The following B3GALT1 variants were observed in gnomAD, a reference collection of about 807,000 sequenced individuals.
B3GALT1 encodes the protein beta-1,3-galactosyltransferase 1, also known as UDP-Gal:betaGlcNAc beta 1,3-galactosyltransferase, polypeptide 1.
Under a neutral mutation model 23.2 loss-of-function variants are expected in B3GALT1, and 10 were observed. The ratio of observed to expected loss-of-function variants is 0.43; its 90% CI spans 0.27 to 0.73. The LOEUF is 0.73. Ranked by LOEUF, B3GALT1 falls within the 30% of genes least tolerant of loss-of-function variation. The pLI is 0.21. For missense variants in B3GALT1, 299 were observed against 405.4 expected (o/e 0.74, Z 2.25); for synonymous variants, 156 against 141.5 (o/e 1.10, Z -0.73).
chr2:167,338,226 G>A (rs1018117580), intron 1 of B3GALT1, among the ~76,000 whole-genome samples: 7 of 152,174 alleles, frequency 4.6e-5, no homozygotes, highest in African/African-American at 1.4e-4. Context: ...AAAGTGTTAA[G>A]CTGGAGTAAA....
chr2:167,523,896 T>C (rs1295926350), intron 2 of B3GALT1, among the ~76,000 whole-genome samples: 1 of 152,154 alleles, frequency 6.6e-6, no homozygotes, highest in Non-Finnish European at 1.5e-5. Flanking sequence ...GTCCATTAGA[T>C]GGGTGGAGCA....
At chr2:167,342,175 A>ATC in intron 1 of B3GALT1, among the ~76,000 whole-genome samples, 1 of 152,238 alleles carries the variant, frequency 6.6e-6, no homozygotes, top group African/African-American at 2.4e-5. Flanking sequence ...CCATGGGGAA[A>ATC]TAGAGTGAGT....
intron 4 of B3GALT1, among the ~76,000 whole-genome samples, chr2:167,839,329 G>T (rs1689575238): frequency 6.6e-6 from 1 of 151,816 alleles, no homozygotes; most frequent in Non-Finnish European, 1.5e-5. Context: ...CTTCAGCAAA[G>T]TCTCAGGATA....
In B3GALT1 at chr2:167,527,853, G is replaced by T. The variant is rs2056792; in HGVS notation, c.-410+37576G>T. 3.1e-3 allele frequency among the ~76,000 whole-genome samples: 473 copies of T among 152,200 alleles called. 4 individuals are homozygous for T. The highest frequency in any genetic ancestry group is 2.4e-3 in the Non-Finnish European group (161 of 68,004). On this transcript the variant is annotated intron_variant, in intron 2 of 4. Transcript: ENST00000392690. Reference sequence around the variant, plus strand: ...ATGTCAAGTTTAGAACCTGAAGTTTGTCTACTCTAACCAGAAAAAGAATAT... The same window carrying T: ...ATGTCAAGTTTAGAACCTGAAGTTTTTCTACTCTAACCAGAAAAAGAATAT...
intron 2 of B3GALT1, among the ~76,000 whole-genome samples, chr2:167,533,093 T>G (rs1035944987): frequency 6.6e-6 from 1 of 152,094 alleles, no homozygotes; most frequent in African/African-American, 2.4e-5. Flanking sequence ...ACACTTGACA[T>G]CAGGTGATCT....
intron 2 of B3GALT1, among the ~76,000 whole-genome samples, chr2:167,618,876 T>C (rs1200242952): frequency 6.6e-6 from 1 of 151,962 alleles, no homozygotes; most frequent in Non-Finnish European, 1.5e-5. Flanking sequence ...CTTTTTCCTT[T>C]CCTGATGATG....
intron 2 of B3GALT1, among the ~76,000 whole-genome samples, chr2:167,632,722 A>G (rs901082668): frequency 5.9e-5 from 9 of 151,972 alleles, no homozygotes; most frequent in African/African-American, 1.5e-4. Flanking sequence ...ACAGATTGCA[A>G]AAATTTTCTC....
chr2:167,825,158 A>AC lies in B3GALT1; in HGVS notation c.-230+6367dup, dbSNP rs201522022. 1.9e-3 allele frequency among the ~76,000 whole-genome samples: 281 copies of AC among 151,718 alleles called. 1 individual carries two copies. The highest frequency in any genetic ancestry group is 6.4e-3 in the African/African-American group (264 of 41,370). The stretch of plus-strand genomic sequence containing the variant: ...AAATTAGCTGGGTGTGGTGGCGGGC[A>AC]CCTGTAGTCCAGCTGCTCAGGAGGC... On this transcript the variant is annotated intron_variant, in intron 4 of 4. Coordinates refer to ENST00000392690, the MANE Select transcript of B3GALT1 (RefSeq NM_020981.4).
rs1690372656 is a variant in B3GALT1, at chr2:167,872,493, A to T, written c.*2473A>T. The T allele has an allele frequency of 6.6e-6, 1 of 152,210 alleles. No individual in the cohort carries two copies. Among genetic ancestry groups the T allele is most frequent in the Non-Finnish European group, 1.5e-5 (1 of 68,032 alleles). The allele number at this position is 152,210 out of a possible 1,614,324, so 9.4% of individuals were successfully genotyped here. On this transcript the variant is annotated 3_prime_UTR_variant, in exon 5 of 5. Transcript: ENST00000392690. ...CCAACCTGCAGCCTCAACTGCTGTG[A>T]GTTCCAATCACTGGGAAAGTCTCAC...
chr2:167,323,123 G>A (rs1314874991), intron 1 of B3GALT1, among the ~76,000 whole-genome samples: 1 of 151,890 alleles, frequency 6.6e-6, no homozygotes, highest in Non-Finnish European at 1.5e-5. Flanking sequence ...TTGCTACATA[G>A]ACAAAAATGT....
At chr2:167,469,142 A>G (rs965780409) in intron 1 of B3GALT1, among the ~76,000 whole-genome samples, 2 of 152,140 alleles carry the variant, frequency 1.3e-5, no homozygotes, top group Non-Finnish European at 2.9e-5. Flanking sequence ...AAGGTGAGCT[A>G]TGTAGTGGTA....
chr2:167,312,632 C>A (rs1232073246), intron 1 of B3GALT1, among the ~76,000 whole-genome samples: 1 of 152,048 alleles, frequency 6.6e-6, no homozygotes, highest in Non-Finnish European at 1.5e-5. Context: ...AGATTGATTA[C>A]ATGGTCTTGT....
intron 2 of B3GALT1, among the ~76,000 whole-genome samples, chr2:167,621,942 T>G (rs1181713442): frequency 1.3e-5 from 2 of 152,146 alleles, no homozygotes; most frequent in Admixed American, 6.6e-5. Context: ...GAGAGTCAAT[T>G]AAACCGCTTT....
chr2:167,814,640 C>T (rs1688956755), intron 3 of B3GALT1: 1 of 152,210 alleles, frequency 6.6e-6, no homozygotes, highest in Non-Finnish European at 1.5e-5. Flanking sequence ...CACCTGTAGT[C>T]TCACCTATTC....
At chr2:167,559,527 A>C (rs1025271404) in intron 2 of B3GALT1, among the ~76,000 whole-genome samples, 8 of 152,198 alleles carry the variant, frequency 5.3e-5, no homozygotes, top group African/African-American at 1.9e-4. Context: ...GAGGAAATTC[A>C]AACCAAAGCA....
At chr2:167,468,462 A>G (rs1232902332) in intron 1 of B3GALT1, among the ~76,000 whole-genome samples, 2 of 152,234 alleles carry the variant, frequency 1.3e-5, no homozygotes, top group South Asian at 2.1e-4. Context: ...TGTTTTTCTA[A>G]GTAAATACAG....
intron 4 of B3GALT1, among the ~76,000 whole-genome samples, chr2:167,865,609 G>A (rs998752727): frequency 2.6e-5 from 4 of 152,022 alleles, no homozygotes; most frequent in Admixed American, 1.3e-4. Context: ...GGCTAACACC[G>A]TGAAACCCCG....
chr2:167,476,613 T>C (rs1574095329), intron 1 of B3GALT1, among the ~76,000 whole-genome samples: 3 of 152,190 alleles, frequency 2.0e-5, no homozygotes, highest in African/African-American at 7.2e-5. Context: ...TGTGTCTTAA[T>C]AAAACATCCT....
At chr2:167,455,697 G>A (rs1559102477) in intron 1 of B3GALT1, among the ~76,000 whole-genome samples, 1 of 152,062 alleles carries the variant, frequency 6.6e-6, no homozygotes, top group Non-Finnish European at 1.5e-5. Flanking sequence ...ATTTTTAATA[G>A]AGACGAGATT....
Sources: gnomAD v4.1 joint callset for allele counts (sites outside exome capture counted in the v4.1 genomes callset) on GRCh38, gnomAD v4.1.1 for gene constraint, MANE v1.5 for transcripts, NCBI Gene and HGNC (gene_info 2026-07-23, HGNC 2026-07-21) for gene names.